CELF4: variants seen among roughly 807,000 people sequenced by gnomAD.
CELF4 encodes CUGBP Elav-like family member 4.
Under a neutral mutation model 59.9 loss-of-function variants are expected in CELF4, and 18 were observed. The ratio of observed to expected loss-of-function variants is 0.30; its 90% confidence interval spans 0.21 to 0.45. CELF4 has a LOEUF of 0.45. Ranked by LOEUF, CELF4 falls within the 20% of genes least tolerant of loss-of-function variation. CELF4 has a pLI of 1.00. For missense variants in CELF4, 456 were observed against 689.0 expected, an observed-to-expected ratio of 0.66 and a Z score of 3.79; for synonymous variants, 261 against 267.1, an observed-to-expected ratio of 0.98 and a Z score of 0.22.
At position 37,274,486 on chromosome 18, in the gene CELF4, G is replaced by A. The variant is rs546894028; in HGVS notation, c.658-32C>T. On this transcript the variant is annotated intron_variant, in intron 5 of 12. Coordinates refer to ENST00000420428, the MANE Select transcript of CELF4 (RefSeq NM_020180.4). ...CCGGGGCGGCGCGTGAGACCCACCT[G>A]CTCCAGAGCCTCCGCCCGCAGCTGT... 7.5e-6 allele frequency: 12 copies of A among 1,610,552 alleles called. No individual in the cohort carries two copies. The South Asian group carries it at 1.3e-4, about 18-fold the overall frequency.
intron 8 of CELF4, among the ~76,000 whole-genome samples, chr18:37,268,534 C>T (rs1362341275): frequency 6.6e-6 from 1 of 152,238 alleles, no homozygotes; most frequent in Non-Finnish European, 1.5e-5. Flanking sequence ...ATGGCAGCTG[C>T]CAGCACAGTG....
In CELF4 at chr18:37,565,577, C is replaced by A; in HGVS notation, c.65G>T (p.Gly22Val). Residue 22 changes from glycine (G) to valine (V), a missense_variant, in exon 1 of 13, where the codon GGG becomes GTG. Gly to Val is a moderately radical substitution (Grantham distance 109). Coordinates refer to ENST00000420428, the MANE Select transcript of CELF4 (RefSeq NM_020180.4). ...GGCACTGCCCGGGCTGCTGCCGAGC[C>A]CGTTGGTACTGAGGCTTGCGTTGTC... is the stretch of plus-strand genomic sequence containing the variant. ...QADNASLSTN[G>V]LGSSPGSAGH... 6.2e-7 allele frequency: 1 copy of A among 1,614,024 alleles called. No individual in the cohort carries two copies. The highest frequency in any genetic ancestry group is 8.5e-7 in the Non-Finnish European group (1 of 1,179,936).
intron 2 of CELF4, among the ~76,000 whole-genome samples, chr18:37,484,387 T>G (rs1603642358): frequency 1.3e-5 from 2 of 152,178 alleles, no homozygotes; most frequent in Non-Finnish European, 2.9e-5. Flanking sequence ...AAAAAACAAC[T>G]GGGGAATGGC....
At chr18:37,423,265 C>T (rs2099591549) in intron 2 of CELF4, among the ~76,000 whole-genome samples, 2 of 152,202 alleles carry the variant, frequency 1.3e-5, no homozygotes, top group South Asian at 4.2e-4. Context: ...GGCTCATCCA[C>T]GTCCAGGTAG....
intron 1 of CELF4, among the ~76,000 whole-genome samples, chr18:37,521,580 C>T (rs201821950): frequency 2.0e-5 from 3 of 152,204 alleles, no homozygotes; most frequent in East Asian, 3.8e-4. Flanking sequence ...TGACAACATA[C>T]ATTTTGACAG....
rs1212239996 is a variant in CELF4, at chr18:37,510,525, G to A, written c.287-24918C>T. On this transcript the variant is annotated intron_variant, in intron 1 of 12. Transcript: ENST00000420428. The stretch of plus-strand genomic sequence containing the variant: ...TTCTAGAGGCAACCCTGTGCAATCC[G>A]TCTCTGCTCTCTACCTCACCAGGAT... Among the ~76,000 whole-genome samples, 4 of 152,180 alleles carry A rather than the reference G, an allele frequency of 2.6e-5. 1 individual carries two copies. The South Asian group carries it at 8.3e-4, about 31-fold the overall frequency.
intron 1 of CELF4, among the ~76,000 whole-genome samples, chr18:37,551,476 G>A (rs534038106): frequency 1.6e-4 from 25 of 152,304 alleles, no homozygotes; most frequent in African/African-American, 5.1e-4. Context: ...TTTTCCAGCT[G>A]CAAGACCAGT....
chr18:37,561,351 C>T (rs2154606295), intron 1 of CELF4, among the ~76,000 whole-genome samples: 1 of 152,326 alleles, frequency 6.6e-6, no homozygotes, highest in Admixed American at 6.5e-5. Flanking sequence ...AACAAGCACA[C>T]ATCAGTAGTA....
intron 1 of CELF4, among the ~76,000 whole-genome samples, chr18:37,551,052 G>A (rs1406681530): frequency 6.6e-6 from 1 of 152,162 alleles, no homozygotes; most frequent in Non-Finnish European, 1.5e-5. Context: ...TGGCCTGGGG[G>A]TTGGGGTTTG....
intron 1 of CELF4, among the ~76,000 whole-genome samples, chr18:37,548,446 T>A (rs1029258984): frequency 6.6e-5 from 10 of 152,242 alleles, no homozygotes; most frequent in African/African-American, 2.4e-4. Context: ...CACGAGGATG[T>A]AATGAGATAA....
At chr18:37,352,010 T>A (rs899043949) in intron 2 of CELF4, among the ~76,000 whole-genome samples, 2 of 152,202 alleles carry the variant, frequency 1.3e-5, no homozygotes, top group Non-Finnish European at 2.9e-5. Context: ...GTTAGCATAG[T>A]GAAGTCTGTC....
chr18:37,381,393 C>T (rs2099039258), intron 2 of CELF4, among the ~76,000 whole-genome samples: 1 of 152,088 alleles, frequency 6.6e-6, no homozygotes, highest in Non-Finnish European at 1.5e-5. Context: ...TTCTGCTTGA[C>T]TTAGGCCCCC....
At chr18:37,334,138 C>A (rs753289051) in intron 2 of CELF4, among the ~76,000 whole-genome samples, 1 of 152,122 alleles carries the variant, frequency 6.6e-6, no homozygotes, top group Admixed American at 6.5e-5. Context: ...CTGCATGGGG[C>A]GTCGTAATCC....
At chr18:37,562,098 C>A (rs1482294504) in intron 1 of CELF4, among the ~76,000 whole-genome samples, 5 of 152,150 alleles carry the variant, frequency 3.3e-5, no homozygotes, top group Non-Finnish European at 7.3e-5. Flanking sequence ...TTACAGTAAT[C>A]ACCCCAGTCC....
Position 37,253,829 on chromosome 18 carries a change from G to T in CELF4, c.1443C>A (p.Asp481Glu). 1 of 1,605,050 alleles carries T rather than the reference G, an allele frequency of 6.2e-7. No individual in the cohort carries two copies. The highest frequency in any genetic ancestry group is 8.5e-7 in the Non-Finnish European group (1 of 1,176,124). Residue 481 changes from aspartate to glutamate, a missense_variant, in exon 12 of 13, where the codon GAC (aspartate) becomes GAA (glutamate). Around this residue, in one of 7 missense-constraint regions of CELF4, gnomAD observed 256 missense variants for 340.8 expected, o/e 0.75. Transcript: ENST00000420428. The surrounding 1 kb of genome is among the most constrained non-coding windows in gnomAD (Gnocchi z 4.5). ...RLKVQLKRPK[D>E]ANRPY Reference sequence around the variant, plus strand: ...CCGGCGCTCAGTACGGGCGATTGGCGTCTTTGGGCCGCTTCAGCTGCACCT... The same window carrying T: ...CCGGCGCTCAGTACGGGCGATTGGCTTCTTTGGGCCGCTTCAGCTGCACCT...
chr18:37,472,172 G>C (rs1409619910), intron 2 of CELF4, among the ~76,000 whole-genome samples: 2 of 152,244 alleles, frequency 1.3e-5, no homozygotes, highest in African/African-American at 2.4e-5. Flanking sequence ...CACCTCTTGT[G>C]GGGGCATGAA....
chr18:37,425,023 C>T (rs907058749), intron 2 of CELF4, among the ~76,000 whole-genome samples: 6 of 152,234 alleles, frequency 3.9e-5, no homozygotes, highest in African/African-American at 7.2e-5. Context: ...GTTCTTAGCT[C>T]TCTGCCCCTC....
At chr18:37,353,233 A>ATATATATATATATATAT (rs1557327922) in intron 2 of CELF4, among the ~76,000 whole-genome samples, 2 of 106,978 alleles carry the variant, frequency 1.9e-5, no homozygotes, top group Non-Finnish European at 3.6e-5. Flanking sequence ...AAAAAAAAAA[A>ATATATATATATATATAT]ATATATATAT....
intron 3 of CELF4, among the ~76,000 whole-genome samples, chr18:37,286,049 C>T (rs2094720827): frequency 6.6e-6 from 1 of 151,942 alleles, no homozygotes; most frequent in Admixed American, 6.6e-5. Context: ...GCCAGTTTGT[C>T]CTCGGCTTTC....
Sources: allele counts gnomAD v4.1 joint callset (sites outside exome capture counted in the v4.1 genomes callset), GRCh38; gene constraint gnomAD v4.1.1; regional missense constraint gnomAD v4.1.1; non-coding constraint Gnocchi (gnomAD v3.1); transcripts MANE v1.5; gene names NCBI Gene and HGNC (gene_info 2026-07-23, HGNC 2026-07-21).